Variants in ZNF385D observed in about 807,000 individuals in gnomAD.
The protein encoded by ZNF385D is zinc finger protein 385D, also known as zinc finger protein 659.
ZNF385D carries 15 observed loss-of-function variants against 35.8 expected under a neutral mutation model. The ratio of observed to expected loss-of-function variants is 0.42; its 90% confidence interval spans 0.28 to 0.64. The LOEUF (loss-of-function observed/expected upper bound fraction) is 0.64. Ranked by LOEUF, ZNF385D falls within the 30% of genes least tolerant of loss-of-function variation. ZNF385D has a pLI of 0.23. For missense variants in ZNF385D, 474 were observed against 494.6 expected (o/e 0.96, Z 0.39); for synonymous variants, 212 against 186.8 (o/e 1.13, Z -1.10).
At chr3:22,018,239 GTTT>G (rs72430891) in intron 3 of ZNF385D, among the ~76,000 whole-genome samples, 2 of 148,000 alleles carry the variant, frequency 1.4e-5, no homozygotes, top group Non-Finnish European at 3.0e-5. Context: ...AGGGATATGT[GTTT>G]TTTTTTAAGA....
intron 3 of ZNF385D, among the ~76,000 whole-genome samples, chr3:21,793,348 A>G (rs2072007319): frequency 6.6e-6 from 1 of 152,228 alleles, no homozygotes; most frequent in African/African-American, 2.4e-5. Flanking sequence ...TATAAACCAG[A>G]AAAGTCAGCT....
At chr3:22,351,817 T>C (rs1376685702) in intron 2 of ZNF385D, among the ~76,000 whole-genome samples, 1 of 152,120 alleles carries the variant, frequency 6.6e-6, no homozygotes. Context: ...CCCTCCACCA[T>C]AAAAAGAGAA....
chr3:21,556,322 C>T (rs2062741873), intron 3 of ZNF385D, among the ~76,000 whole-genome samples: 1 of 151,870 alleles, frequency 6.6e-6, no homozygotes, highest in African/African-American at 2.4e-5. Flanking sequence ...AATGGTATTG[C>T]CTAGGTTTTC....
chr3:21,687,912 T>C (rs1260232193), intron 1 of ZNF385D, among the ~76,000 whole-genome samples: 1 of 152,104 alleles, frequency 6.6e-6, no homozygotes, highest in Non-Finnish European at 1.5e-5. Context: ...GTTTTTTTTT[T>C]AGACAGAGTC....
At chr3:22,107,026 G>GTTT (rs10676871) in intron 3 of ZNF385D, among the ~76,000 whole-genome samples, 1,612 of 118,810 alleles carry the variant, frequency 0.014, 110 homozygotes, top group Admixed American at 0.089. Context: ...TGGAATGAGA[G>GTTT]TTTTTTTTTT....
rs950627588 is a variant in ZNF385D at position 22,024,372 on chromosome 3, A to G, written c.325+144445T>C. On this transcript the variant is annotated intron_variant, in intron 3 of 5. Transcript: ENST00000494108. ...ATATCCTATTCGTTCTGTCCCTCTG[A>G]GAGAACCCTAATACAGATTTTGGTC... is the stretch of plus-strand genomic sequence containing the variant. Among the ~76,000 whole-genome samples, 3 of 152,028 alleles carry G rather than the reference A, an allele frequency of 2.0e-5. No homozygotes were observed. In the East Asian group the frequency reaches 5.8e-4, roughly 29 times the overall value.
intron 3 of ZNF385D, among the ~76,000 whole-genome samples, chr3:22,008,603 A>G (rs1001934400): frequency 4.6e-5 from 7 of 152,016 alleles, no homozygotes; most frequent in African/African-American, 1.7e-4. Flanking sequence ...TGATCCGCCC[A>G]CCACGGCCTC....
At chr3:21,557,437 A>T (rs932782315) in intron 3 of ZNF385D, among the ~76,000 whole-genome samples, 7 of 152,048 alleles carry the variant, frequency 4.6e-5, no homozygotes, top group Non-Finnish European at 8.8e-5. Flanking sequence ...GGTTTTTGTC[A>T]TTGGTTCTGT....
intron 3 of ZNF385D, among the ~76,000 whole-genome samples, chr3:22,068,127 T>G (rs903371246): frequency 1.3e-5 from 2 of 152,238 alleles, no homozygotes; most frequent in African/African-American, 2.4e-5. Flanking sequence ...TCAGTAACTT[T>G]GAGAAGGTCT....
In ZNF385D at chr3:21,862,822, C is replaced by T. The variant is rs1697131098; in HGVS notation, c.326-197794G>A. On this transcript the variant is annotated intron_variant, in intron 3 of 5. Transcript: ENST00000494108. The stretch of plus-strand genomic sequence containing the variant: ...GATTGTTTTGCCAACAGCTCTTTGA[C>T]CTAAGAAAGACCTAACTTCAAGTCA... Among the ~76,000 whole-genome samples the T allele has an allele frequency of 2.0e-5, 3 of 152,238 alleles. No individual in the cohort carries two copies. In the South Asian group the frequency reaches 6.2e-4, roughly 32 times the overall value.
chr3:22,014,162 C>A (rs570850510), intron 3 of ZNF385D, among the ~76,000 whole-genome samples: 37 of 151,746 alleles, frequency 2.4e-4, no homozygotes, highest in African/African-American at 4.6e-4. Flanking sequence ...CAACAAAAAA[C>A]CAAAAAGTCC....
At chr3:22,255,161 G>A (rs1029014043) in intron 2 of ZNF385D, among the ~76,000 whole-genome samples, 1 of 150,964 alleles carries the variant, frequency 6.6e-6, no homozygotes, top group Non-Finnish European at 1.5e-5. Context: ...ATATTGTATA[G>A]ACCTTGAAAA....
rs1416928992 is a variant in ZNF385D at position 22,131,407 on chromosome 3, A to C, written c.325+37410T>G. Among the ~76,000 whole-genome samples the C allele has an allele frequency of 3.9e-5, 6 of 152,332 alleles. No individual in the cohort carries two copies. In the East Asian group the frequency reaches 1.2e-3, roughly 29 times the overall value. ...AGAAGAAAGAAAGAAAGCTCTTTCAAAGTGTTTTTCTATAAGGGGAAAAGG... is the reference window on the plus strand; with the variant it reads ...AGAAGAAAGAAAGAAAGCTCTTTCACAGTGTTTTTCTATAAGGGGAAAAGG... On this transcript the variant is annotated intron_variant, in intron 3 of 5. Transcript: ENST00000494108.
chr3:21,936,713 A>G (rs987489554), intron 3 of ZNF385D, among the ~76,000 whole-genome samples: 2 of 152,150 alleles, frequency 1.3e-5, no homozygotes, highest in African/African-American at 4.8e-5. Flanking sequence ...GAATAAATAA[A>G]TGATTCAAGT....
chr3:21,590,041 A>T (rs1278782525), intron 2 of ZNF385D, among the ~76,000 whole-genome samples: 1 of 152,176 alleles, frequency 6.6e-6, no homozygotes, highest in Non-Finnish European at 1.5e-5. Context: ...ACAAGTAGGC[A>T]TGTGCAAGAG....
At chr3:21,483,195 CT>C (rs1263453894) in intron 4 of ZNF385D, among the ~76,000 whole-genome samples, 1 of 152,116 alleles carries the variant, frequency 6.6e-6, no homozygotes, top group African/African-American at 2.4e-5. Context: ...TATGCTATGT[CT>C]TCAATGTAAT....
chr3:21,990,200 A>G lies in ZNF385D; in HGVS notation c.325+178617T>C, dbSNP rs573733159. On this transcript the variant is annotated intron_variant, in intron 3 of 5. Coordinates refer to the ZNF385D transcript ENST00000494108. ...TTGAAAAGAAGAATCTCTAAGCTAAAATTCCAGATTTGCCAGTGCAATTGC... is the reference window on the plus strand; with the variant it reads ...TTGAAAAGAAGAATCTCTAAGCTAAGATTCCAGATTTGCCAGTGCAATTGC... Among the ~76,000 whole-genome samples, 12 of 152,312 alleles carry G rather than the reference A, an allele frequency of 7.9e-5. No individual in the cohort carries two copies. In the South Asian group the frequency reaches 2.3e-3, roughly 29 times the overall value.
chr3:21,775,051 A>T (rs2071230966), intron 3 of ZNF385D, among the ~76,000 whole-genome samples: 1 of 151,886 alleles, frequency 6.6e-6, no homozygotes, highest in South Asian at 2.1e-4. Context: ...CAAATGACAT[A>T]ACCTGAGAAG....
chr3:21,875,231 A>G (rs1202909714), intron 3 of ZNF385D, among the ~76,000 whole-genome samples: 1 of 148,912 alleles, frequency 6.7e-6, no homozygotes, highest in African/African-American at 2.5e-5. Flanking sequence ...TCCAATATGA[A>G]TGTCTTTTTA....
Sources: gnomAD v4.1 joint callset for allele counts (sites outside exome capture counted in the v4.1 genomes callset) on GRCh38, gnomAD v4.1.1 for gene constraint, MANE v1.5 for transcripts, NCBI Gene and HGNC (gene_info 2026-07-23, HGNC 2026-07-21) for gene names.